PDE4B: variants seen among roughly 807,000 people sequenced by gnomAD.
The protein encoded by PDE4B is phosphodiesterase 4B, also known as 3',5'-cyclic-AMP phosphodiesterase 4B.
Under a neutral mutation model 82.2 loss-of-function variants are expected in PDE4B, and 20 were observed. The observed-to-expected ratio is 0.24, with a 90% CI of 0.17 to 0.35. The LOEUF (loss-of-function observed/expected upper bound fraction) is 0.35, where lower values mean the gene tolerates loss of function less well. Among genes scored for constraint, PDE4B ranks in the 10% least tolerant of loss-of-function variants. The pLI, the probability that PDE4B is intolerant of heterozygous loss-of-function variation, is 1.00. For missense variants in PDE4B, 655 were observed against 907.2 expected (o/e 0.72, Z 3.57); for synonymous variants, 320 against 318.9 (o/e 1.00, Z -0.04).
chr1:65,958,306 T>C (rs990286758), intron 3 of PDE4B, among the ~76,000 whole-genome samples: 1 of 152,102 alleles, frequency 6.6e-6, no homozygotes, highest in Non-Finnish European at 1.5e-5. Flanking sequence ...GCCTTTTCCT[T>C]CCTAAAATAA....
chr1:65,795,331 T>A (rs1213673541), intron 1 of PDE4B, among the ~76,000 whole-genome samples: 2 of 152,234 alleles, frequency 1.3e-5, no homozygotes, highest in Admixed American at 1.3e-4. Flanking sequence ...AGTAATTTAT[T>A]ATCATGTCAT....
At chr1:66,180,101 C>T (rs1188768817) in intron 3 of PDE4B, among the ~76,000 whole-genome samples, 2 of 152,270 alleles carry the variant, frequency 1.3e-5, no homozygotes, top group East Asian at 1.9e-4. Flanking sequence ...AAATGAGTAA[C>T]ATGTTAATAC....
rs115510892 is a variant in PDE4B, at chr1:65,960,005, T to C, written c.281+41170T>C. Among the ~76,000 whole-genome samples the C allele has an allele frequency of 3.0e-3, 453 of 152,278 alleles. 3 individuals are homozygous for C. Among genetic ancestry groups the C allele is most frequent in the African/African-American group, 0.01 (426 of 41,564 alleles). On this transcript the variant is annotated intron_variant, in intron 3 of 16. Transcript: ENST00000341517. ...GGATTACGGGCATGAGCCACGTGCC[T>C]GGCTCACATATTTGATTTGGTCTAG...
chr1:66,099,617 CAT>C (rs1429329940), intron 3 of PDE4B, among the ~76,000 whole-genome samples: 1 of 152,074 alleles, frequency 6.6e-6, no homozygotes, highest in African/African-American at 2.4e-5. Flanking sequence ...ATCCTAAACA[CAT>C]AGTTGATATT....
At chr1:65,834,615 A>G (rs1176610423) in intron 1 of PDE4B, among the ~76,000 whole-genome samples, 1 of 152,238 alleles carries the variant, frequency 6.6e-6, no homozygotes, top group Non-Finnish European at 1.5e-5. Flanking sequence ...TTAACCCTTC[A>G]TAGTCCCATG....
At chr1:65,964,609 T>C (rs1649717626) in intron 3 of PDE4B, among the ~76,000 whole-genome samples, 1 of 152,184 alleles carries the variant, frequency 6.6e-6, no homozygotes, top group Non-Finnish European at 1.5e-5. Context: ...GTGGAATATA[T>C]AGAGATGTTT....
chr1:66,110,021 A>G (rs2101048840), intron 3 of PDE4B, among the ~76,000 whole-genome samples: 1 of 152,060 alleles, frequency 6.6e-6, no homozygotes, highest in South Asian at 2.1e-4. Flanking sequence ...AATTGTCAAA[A>G]CTTTTAAATC....
At chr1:66,111,628 C>T (rs1383329893) in intron 3 of PDE4B, among the ~76,000 whole-genome samples, 1 of 152,068 alleles carries the variant, frequency 6.6e-6, no homozygotes, top group South Asian at 2.1e-4. Context: ...TAGTATATTT[C>T]ATTGTATGTA....
intron 7 of PDE4B, among the ~76,000 whole-genome samples, chr1:66,289,356 A>G (rs764911013): frequency 2.0e-5 from 3 of 152,190 alleles, no homozygotes; most frequent in Non-Finnish European, 4.4e-5. Flanking sequence ...ATAGATTTTG[A>G]TAAGTGCTTC....
chr1:66,354,531 A>G, intron 8 of PDE4B: 9 of 1,138,470 alleles, frequency 7.9e-6, no homozygotes, highest in Non-Finnish European at 8.6e-6. Flanking sequence ...GCTATTCATA[A>G]TTCATAAGTG....
intron 7 of PDE4B, among the ~76,000 whole-genome samples, chr1:66,272,134 C>T (rs1655533265): frequency 1.3e-5 from 2 of 152,218 alleles, no homozygotes; most frequent in Admixed American, 1.3e-4. Context: ...TAGCTGCTGC[C>T]TGCCTCGAGC....
chr1:65,843,346 A>G (rs1045606092), intron 1 of PDE4B, among the ~76,000 whole-genome samples: 1 of 152,096 alleles, frequency 6.6e-6, no homozygotes, highest in Admixed American at 6.6e-5. Flanking sequence ...TGTTTTTATC[A>G]TTTGGAGCCT....
chr1:65,917,017 C>G (rs1431110243), intron 2 of PDE4B, among the ~76,000 whole-genome samples: 1 of 152,122 alleles, frequency 6.6e-6, no homozygotes, highest in Non-Finnish European at 1.5e-5. Context: ...GGTGGGGCTC[C>G]TGAAAATTCT....
chr1:65,993,289 G>T, intron 3 of PDE4B: 1 of 620,052 alleles, frequency 1.6e-6, no homozygotes, highest in Non-Finnish European at 2.8e-6. Context: ...GTCAGATGAA[G>T]AGTACATAAA....
At chr1:65,923,741 A>T (rs925115909) in intron 3 of PDE4B, among the ~76,000 whole-genome samples, 1 of 152,158 alleles carries the variant, frequency 6.6e-6, no homozygotes, top group African/African-American at 2.4e-5. Context: ...TCTTTCTTAT[A>T]GATAATCTGT....
At chr1:65,994,283 A>G (rs1651411484) in intron 3 of PDE4B, among the ~76,000 whole-genome samples, 1 of 152,204 alleles carries the variant, frequency 6.6e-6, no homozygotes, top group Non-Finnish European at 1.5e-5. Context: ...CTAGAAATAT[A>G]TAGCTTGCCT....
At chr1:66,127,688 TA>T (rs1645851428) in intron 3 of PDE4B, among the ~76,000 whole-genome samples, 1 of 152,146 alleles carries the variant, frequency 6.6e-6, no homozygotes, top group Admixed American at 6.5e-5. Context: ...TTCTGGGGTG[TA>T]AAAAGGTGTA....
chr1:66,045,345 GTCTAA>G (rs1654641641), intron 3 of PDE4B, among the ~76,000 whole-genome samples: 2 of 151,488 alleles, frequency 1.3e-5, no homozygotes, highest in Admixed American at 6.6e-5. Flanking sequence ...CTGTTTTGAA[GTCTAA>G]TCTAACTCCT....
At position 65,998,844 on chromosome 1, in the gene PDE4B, T is replaced by C. The variant is rs140014213; in HGVS notation, c.281+80009T>C. 8.0e-4 allele frequency among the ~76,000 whole-genome samples: 122 copies of C among 151,612 alleles called. 1 individual carries two copies. Among genetic ancestry groups the C allele is most frequent in the African/African-American group, 2.6e-3 (109 of 41,262 alleles). On this transcript the variant is annotated intron_variant, in intron 3 of 16. Transcript: ENST00000341517. ...TTACTAGAGGTGCTTTGTATTTTAC[T>C]TTAAGTGCAGACTCCTAGTGGGTTA... is the stretch of plus-strand genomic sequence containing the variant.
Sources: allele counts gnomAD v4.1 joint callset (sites outside exome capture counted in the v4.1 genomes callset), GRCh38; gene constraint gnomAD v4.1.1; transcripts MANE v1.5; gene names NCBI Gene and HGNC (gene_info 2026-07-23, HGNC 2026-07-21).